Variants in VIPR1 observed in about 807,000 individuals in gnomAD.
The protein encoded by VIPR1 is vasoactive intestinal peptide receptor 1.
A neutral mutation model predicts 58.8 loss-of-function variants in VIPR1; 59 were observed. That is an observed-to-expected ratio of 1.00 (90% CI 0.81 to 1.25). The LOEUF is 1.25. Ranked by LOEUF, VIPR1 falls within the 50% of genes most tolerant of loss-of-function variation. VIPR1 has a pLI of 0.00. For missense variants in VIPR1, 626 were observed against 602.7 expected (o/e 1.04, Z -0.40); for synonymous variants, 251 against 242.1 (o/e 1.04, Z -0.34).
chr3:42,528,028 C>G lies in VIPR1; in HGVS notation c.541C>G (p.Leu181Val), dbSNP rs530683313. ...HCTRNYIHMH[L>V]FISFILRAAA... is the part of the protein sequence containing the mutation. ...CACGCGGAACTACATCCACATGCAC[C>G]TCTTCATATCCTTCATCCTGAGGGC... The change falls in exon 6 of 13, where the codon CTC becomes GTC. Residue 181 changes from leucine (L) to valine (V), a missense_variant. Physicochemically the swap from Leu to Val is conservative, Grantham distance 32 (BLOSUM62 1). Transcript: ENST00000325123. The G allele has an allele frequency of 6.2e-6, 10 of 1,613,956 alleles. No homozygotes were observed. Among genetic ancestry groups the G allele is most frequent in the Non-Finnish European group, 8.5e-6 (10 of 1,179,968 alleles).
In VIPR1 at chr3:42,536,376, GCCCCGGCCCTGGGCTCGGAGGCTGC is replaced by G; in HGVS notation, c.*105_*129del. ...ACAGAGGCCTGCCCGGGCGCGGCCA[GCCCCGGCCCTGGGCTCGGAGGCTGC>G]CCCCGGCCCCCTGGTCTCTGGTCCG... On this transcript the variant is annotated 3_prime_UTR_variant, in exon 13 of 13. Transcript: ENST00000325123. The G allele has an allele frequency of 3.0e-6, 4 of 1,354,008 alleles. No individual in the cohort carries two copies. The highest frequency in any genetic ancestry group is 2.9e-6 in the Non-Finnish European group (3 of 1,034,634). 83.9% of individuals were successfully genotyped at this position (1,354,008 alleles called of 1,614,324 possible). A position where few individuals can be genotyped will look rare whatever the true frequency, so the allele number is the denominator to read the frequency against.
At chr3:42,523,598 C>T (rs529910892) in intron 3 of VIPR1, among the ~76,000 whole-genome samples, 45 of 128,916 alleles carry the variant, frequency 3.5e-4, no homozygotes, top group Non-Finnish European at 4.9e-4. Flanking sequence ...CTAACACCTC[C>T]GCCACTACAC....
At chr3:42,532,142 G>A (rs1376296844) in intron 9 of VIPR1, 100 bp from the exon 10 acceptor site, 10 of 1,232,308 alleles carry the variant, frequency 8.1e-6, no homozygotes, top group South Asian at 1.2e-5. Context: ...AGAGAGAGGG[G>A]CAGCAGGACC....
Position 42,531,617 on chromosome 3 carries a change from G to A in VIPR1, c.851+86G>A, listed in dbSNP as rs533563848. 1.0e-5 allele frequency: 16 copies of A among 1,576,020 alleles called. No homozygotes were observed. In the East Asian group the frequency reaches 2.8e-4, roughly 27 times the overall value. On this transcript the variant is annotated intron_variant, in intron 8 of 12. Transcript: ENST00000325123. ...GATGATAATGCCATCTGGCCTTGGTGAGTGGACAAAAACCACAGCTCTCGG... is the reference window on the plus strand; with the variant it reads ...GATGATAATGCCATCTGGCCTTGGTAAGTGGACAAAAACCACAGCTCTCGG...
chr3:42,526,013 C>T lies in VIPR1; in HGVS notation c.399+20C>T, dbSNP rs2125667119. 1 of 1,600,030 alleles carries T rather than the reference C, an allele frequency of 6.2e-7. No individual in the cohort carries two copies. The highest frequency in any genetic ancestry group is 1.3e-5 in the African/African-American group (1 of 74,776). On this transcript the variant is annotated intron_variant, in intron 4 of 12. Transcript: ENST00000325123. ...GATGAGGTGGGTCTCAGGGCACCCC[C>T]ACCTCACCTGCAGAGCGCCGGGGCC... is the stretch of plus-strand genomic sequence containing the variant.
chr3:42,498,798 C>T (rs1209834241), upstream of VIPR1, among the ~76,000 whole-genome samples: 3 of 152,130 alleles, frequency 2.0e-5, no homozygotes, highest in Admixed American at 6.5e-5. Flanking sequence ...GTCCCCAATC[C>T]CCAGATGAGT....
chr3:42,496,969 G>A (rs1480157430), intron 1 of VIPR1, among the ~76,000 whole-genome samples: 1 of 151,340 alleles, frequency 6.6e-6, no homozygotes, highest in Non-Finnish European at 1.5e-5. Flanking sequence ...TTTTTCCCCA[G>A]TGGATACCCT....
intron 1 of VIPR1, among the ~76,000 whole-genome samples, chr3:42,491,279 AAATT>A (rs1353408295): frequency 2.0e-5 from 3 of 152,248 alleles, no homozygotes; most frequent in Non-Finnish European, 4.4e-5. Flanking sequence ...CAAGGAATGA[AAATT>A]AAATAATGAT....
chr3:42,527,941 G>A (rs1223959941), intron 5 of VIPR1, 50 bp from the exon 6 acceptor site: 1 of 1,599,428 alleles, frequency 6.3e-7, no homozygotes, highest in South Asian at 1.1e-5. Flanking sequence ...ATTGGCTGGG[G>A]TGGGGATCCA....
chr3:42,503,284 G>A (rs1232731847), intron 1 of VIPR1, among the ~76,000 whole-genome samples: 1 of 152,154 alleles, frequency 6.6e-6, no homozygotes, highest in African/African-American at 2.4e-5. Flanking sequence ...GGGGGCCCCA[G>A]GACTTGAGAA....
chr3:42,531,054 T>A, intron 7 of VIPR1, 122 bp downstream of exon 7: 1 of 1,286,636 alleles, frequency 7.8e-7, no homozygotes, highest in Non-Finnish European at 1.1e-6. Context: ...AGGTCCTGCC[T>A]GCAAGGATAT....
At chr3:42,534,855 C>T in intron 10 of VIPR1, 120 bp from the exon 11 acceptor site, 1 of 1,326,640 alleles carries the variant, frequency 7.5e-7, no homozygotes. Context: ...TACAGTCCAT[C>T]CTCATACTTC....
Position 42,535,324 on chromosome 3 carries a change from C to T in VIPR1, c.1141-19C>T. 1 of 1,614,056 alleles carries T rather than the reference C, an allele frequency of 6.2e-7. No homozygotes were observed. The highest frequency in any genetic ancestry group is 8.5e-7 in the Non-Finnish European group (1 of 1,179,960). ...TTCTGGTCTGTCTACCTCACCTCTC[C>T]TGTCATCTTCCTTCTCAGGGTTTTG... On this transcript the variant is annotated intron_variant, in intron 11 of 12. Coordinates refer to ENST00000325123, the MANE Select transcript of VIPR1 (RefSeq NM_004624.4).
rs775432049 is a variant in VIPR1, at chr3:42,536,182, C to T, written c.1275C>T (p.Ser425=). 1 of 1,605,460 alleles carries T rather than the reference C, an allele frequency of 6.2e-7. No individual in the cohort carries two copies. The highest frequency in any genetic ancestry group is 1.1e-5 in the South Asian group (1 of 89,420). Residue 425 remains serine, a synonymous_variant, in exon 13 of 13, where the codon AGC becomes AGT. Coordinates refer to ENST00000325123, the MANE Select transcript of VIPR1 (RefSeq NM_004624.4). ...NPKYRHPSGG[S]NGATCSTQVS... ...AATACCGGCACCCGTCGGGAGGCAG[C>T]AACGGCGCCACGTGCAGCACGCAGG...
At chr3:42,511,396 T>A (rs1164814545) in intron 1 of VIPR1, among the ~76,000 whole-genome samples, 5 of 152,184 alleles carry the variant, frequency 3.3e-5, no homozygotes, top group Admixed American at 3.3e-4. Context: ...AGGCCATGTG[T>A]CAGGCACTGT....
At chr3:42,501,561 A>G (rs1044493385), upstream of VIPR1, among the ~76,000 whole-genome samples, 37 of 152,354 alleles carry the variant, frequency 2.4e-4, no homozygotes, top group Middle Eastern at 3.4e-3. This position sits in a 1 kb window ranked among gnomAD's most constrained non-coding sequence, Gnocchi z 4.8. Context: ...CGCTTGGTCC[A>G]CAAGAAGACG....
intron 12 of VIPR1, 53 bp downstream of exon 12, chr3:42,535,437 G>A: frequency 6.3e-7 from 1 of 1,591,206 alleles, no homozygotes; most frequent in South Asian, 1.1e-5. Context: ...CAGGACCAGG[G>A]TCCGGAAACA....
chr3:42,504,919 A>AG (rs1472761709), intron 1 of VIPR1, among the ~76,000 whole-genome samples: 1 of 151,354 alleles, frequency 6.6e-6, no homozygotes, highest in Non-Finnish European at 1.5e-5. Context: ...AAAAAAAAAA[A>AG]AAAAAAAGGA....
At position 42,520,464 on chromosome 3, in the gene VIPR1, G is replaced by A. The variant is rs143977944; in HGVS notation, c.292+1134G>A. Among the ~76,000 whole-genome samples, 78 of 152,290 alleles carry A rather than the reference G, an allele frequency of 5.1e-4. No individual in the cohort carries two copies. In the East Asian group the frequency reaches 0.013, roughly 26 times the overall value. On this transcript the variant is annotated intron_variant, in intron 3 of 12. Coordinates refer to ENST00000325123, the MANE Select transcript of VIPR1 (RefSeq NM_004624.4). ...CCCAATCACAAGGCAGGCAGGAAATGATGGCTTGAATTCAGGTAGTGAGCT... is the reference window on the plus strand; with the variant it reads ...CCCAATCACAAGGCAGGCAGGAAATAATGGCTTGAATTCAGGTAGTGAGCT...
Sources: gnomAD v4.1 joint callset for allele counts (sites outside exome capture counted in the v4.1 genomes callset) on GRCh38, gnomAD v4.1.1 for gene constraint, Gnocchi (gnomAD v3.1) non-coding constraint, MANE v1.5 for transcripts, NCBI Gene and HGNC (gene_info 2026-07-23, HGNC 2026-07-21) for gene names.